ATG5: variants seen among roughly 807,000 people sequenced by gnomAD.
ATG5 encodes the protein autophagy protein 5.
A neutral mutation model predicts 36.5 loss-of-function variants in ATG5; 14 were observed. That is an observed-to-expected ratio of 0.38 (90% confidence interval 0.25 to 0.60). The LOEUF (loss-of-function observed/expected upper bound fraction) is 0.60, where lower values mean the gene tolerates loss of function less well. ATG5 is among the 20% of genes least tolerant of loss of function. The pLI, the probability that ATG5 is intolerant of heterozygous loss-of-function variation, is 0.60. For synonymous variants in ATG5, 95 were observed against 101.5 expected (o/e 0.94, Z 0.38); for missense variants, 195 against 326.7 (o/e 0.60, Z 3.11).
At chr6:106,189,148 G>C (rs1205032873) in intron 7 of ATG5, among the ~76,000 whole-genome samples, 1 of 152,146 alleles carries the variant, frequency 6.6e-6, no homozygotes, top group Non-Finnish European at 1.5e-5. Flanking sequence ...CTGATAGCTA[G>C]CCCTACCATG....
chr6:106,259,769 G>A (rs577461829), intron 5 of ATG5, among the ~76,000 whole-genome samples: 6 of 152,068 alleles, frequency 3.9e-5, no homozygotes, highest in Non-Finnish European at 5.9e-5. Context: ...ATACCTGTGG[G>A]ACAAAATCTA....
At chr6:106,212,909 G>A (rs1011751339) in intron 6 of ATG5, among the ~76,000 whole-genome samples, 2 of 152,182 alleles carry the variant, frequency 1.3e-5, no homozygotes, top group Non-Finnish European at 2.9e-5. Context: ...TCAAGTAGCT[G>A]CTAGTTGAGT....
intron 3 of ATG5, among the ~76,000 whole-genome samples, chr6:106,293,818 A>G (rs1780421879): frequency 6.6e-6 from 1 of 152,228 alleles, no homozygotes; most frequent in Non-Finnish European, 1.5e-5. Flanking sequence ...ACTAATACAA[A>G]TGTTGTAGAT....
intron 3 of ATG5, among the ~76,000 whole-genome samples, chr6:106,297,204 C>G (rs552638447): frequency 6.6e-6 from 1 of 152,200 alleles, no homozygotes; most frequent in African/African-American, 2.4e-5. Flanking sequence ...TGACAAAAAC[C>G]TGGACCATTT....
At chr6:106,258,818 T>C (rs1003092627) in intron 5 of ATG5, among the ~76,000 whole-genome samples, 5 of 152,226 alleles carry the variant, frequency 3.3e-5, no homozygotes, top group Non-Finnish European at 7.3e-5. Flanking sequence ...CAGGGTTCTA[T>C]GCTTCAAAAA....
chr6:106,242,262 G>A (rs1325741369), intron 6 of ATG5, among the ~76,000 whole-genome samples: 1 of 152,010 alleles, frequency 6.6e-6, no homozygotes, highest in African/African-American at 2.4e-5. Flanking sequence ...TTACATGTGT[G>A]AGCCACCACA....
At chr6:106,224,196 G>A (rs986602133) in intron 6 of ATG5, among the ~76,000 whole-genome samples, 1 of 152,200 alleles carries the variant, frequency 6.6e-6, no homozygotes, top group Non-Finnish European at 1.5e-5. Flanking sequence ...GGAATAGCAT[G>A]CAGTGTTATT....
At chr6:106,239,116 G>A (rs1778008380) in intron 6 of ATG5, among the ~76,000 whole-genome samples, 1 of 151,772 alleles carries the variant, frequency 6.6e-6, no homozygotes, top group Non-Finnish European at 1.5e-5. Context: ...TCATTATTCA[G>A]CACAGTCTTG....
intron 7 of ATG5, 107 bp from the exon 8 acceptor site, chr6:106,186,783 G>C (rs1775787860): frequency 7.6e-7 from 1 of 1,307,360 alleles, no homozygotes; most frequent in Non-Finnish European, 1.1e-6. Context: ...TTTTAAACAT[G>C]TTTTGTCCCC....
At chr6:106,256,849 G>A (rs2114538706) in intron 5 of ATG5, among the ~76,000 whole-genome samples, 1 of 152,228 alleles carries the variant, frequency 6.6e-6, no homozygotes, top group East Asian at 1.9e-4. Context: ...TGTAGACTTT[G>A]TAAACACTGT....
chr6:106,274,816 G>A (rs1346715755), intron 5 of ATG5, among the ~76,000 whole-genome samples: 2 of 152,230 alleles, frequency 1.3e-5, no homozygotes, highest in East Asian at 3.9e-4. Flanking sequence ...AGGTGCTGGG[G>A]ATACAAAAAT....
chr6:106,251,640 A>G (rs1221252473), intron 5 of ATG5, among the ~76,000 whole-genome samples: 1 of 58,086 alleles, frequency 1.7e-5, no homozygotes. Flanking sequence ...AATCAGAGAG[A>G]GAGAGAGGGA....
At position 106,186,301 on chromosome 6, in the gene ATG5, C is replaced by T. The variant is rs556179726; in HGVS notation, c.*239G>A. ...ATTTTACAGAAGACCTTCAGTGGTCCGGTAAGTCTTTCATGTCACAGCTGA... is the reference window on the plus strand; with the variant it reads ...ATTTTACAGAAGACCTTCAGTGGTCTGGTAAGTCTTTCATGTCACAGCTGA... On this transcript the variant is annotated 3_prime_UTR_variant, in exon 8 of 8. Transcript: ENST00000369076. The T allele has an allele frequency of 1.8e-5, 8 of 452,608 alleles. No individual in the cohort carries two copies. The highest frequency in any genetic ancestry group is 7.8e-6 in the Non-Finnish European group (2 of 256,550). The allele number at this position is 452,608 out of a possible 1,614,324, so 28.0% of individuals were successfully genotyped here.
At chr6:106,315,021 G>A (rs557281497) in intron 2 of ATG5, among the ~76,000 whole-genome samples, 7 of 152,156 alleles carry the variant, frequency 4.6e-5, no homozygotes, top group Admixed American at 1.3e-4. Context: ...TTCATGCACC[G>A]AGTAGTACCA....
intron 6 of ATG5, among the ~76,000 whole-genome samples, chr6:106,210,299 T>C (rs1776806079): frequency 6.6e-6 from 1 of 152,170 alleles, no homozygotes; most frequent in South Asian, 2.1e-4. Context: ...TTTATAATAC[T>C]GGAGATCTTT....
At chr6:106,276,235 C>G (rs575010529) in intron 5 of ATG5, among the ~76,000 whole-genome samples, 1 of 152,014 alleles carries the variant, frequency 6.6e-6, no homozygotes, top group African/African-American at 2.4e-5. Context: ...GAGGCCGAGG[C>G]GGGTGGATCA....
intron 5 of ATG5, among the ~76,000 whole-genome samples, chr6:106,275,991 T>C (rs937631092): frequency 6.6e-6 from 1 of 152,226 alleles, no homozygotes; most frequent in Non-Finnish European, 1.5e-5. Context: ...AGCAGATGGC[T>C]GGCCCATGAT....
intron 6 of ATG5, among the ~76,000 whole-genome samples, chr6:106,210,868 T>A (rs1156428796): frequency 6.6e-6 from 1 of 152,182 alleles, no homozygotes; most frequent in African/African-American, 2.4e-5. Flanking sequence ...TCTCAATGAG[T>A]GTTATAATTG....
intron 6 of ATG5, among the ~76,000 whole-genome samples, chr6:106,232,431 C>T (rs918531429): frequency 2.0e-4 from 30 of 152,270 alleles, no homozygotes; most frequent in African/African-American, 7.2e-4. Flanking sequence ...GGCCATTATA[C>T]ACCTGAACAT....
Sources: allele counts gnomAD v4.1 joint callset (sites outside exome capture counted in the v4.1 genomes callset), GRCh38; gene constraint gnomAD v4.1.1; transcripts MANE v1.5; gene names NCBI Gene and HGNC (gene_info 2026-07-23, HGNC 2026-07-21).